ERC2: variants seen among roughly 807,000 people sequenced by gnomAD.
ERC2 encodes ELKS/RAB6-interacting/CAST family member 2.
Under a neutral mutation model 114.8 loss-of-function variants are expected in ERC2, and 42 were observed. The ratio of observed to expected loss-of-function variants is 0.37; its 90% confidence interval spans 0.29 to 0.47. The LOEUF is 0.47. ERC2 is among the 20% of genes least tolerant of loss of function. The pLI is 0.99. For synonymous variants in ERC2, 454 were observed against 425.5 expected, an observed-to-expected ratio of 1.07 and a Z score of -0.82; for missense variants, 939 against 1,150.7, an observed-to-expected ratio of 0.82 and a Z score of 2.66.
chr3:55,942,488 G>A (rs2066874873), intron 13 of ERC2, among the ~76,000 whole-genome samples: 2 of 148,690 alleles, frequency 1.3e-5, no homozygotes, highest in African/African-American at 4.9e-5. Context: ...TAGTAGAGAC[G>A]GGGTTTCACC....
intron 17 of ERC2, among the ~76,000 whole-genome samples, chr3:55,561,681 T>G (rs563729868): frequency 1.7e-3 from 253 of 152,284 alleles, no homozygotes; most frequent in Non-Finnish European, 2.9e-3. Flanking sequence ...TCGCTTTTTT[T>G]CTTGCCCTGT....
chr3:55,809,199 A>T lies in ERC2; in HGVS notation c.2565-74281T>A, dbSNP rs78356419. On this transcript the variant is annotated intron_variant, in intron 14 of 17. Coordinates refer to ENST00000288221, the MANE Select transcript of ERC2 (RefSeq NM_015576.3). ...CTGTACCTTTTAAAATTGATATATA[A>T]TATATGTACAGTGTTTTGGAATACA... Among the ~76,000 whole-genome samples, 745 of 152,326 alleles carry T rather than the reference A, an allele frequency of 4.9e-3. 6 individuals carry two copies. The highest frequency in any genetic ancestry group is 0.017 in the African/African-American group (705 of 41,572).
chr3:55,760,866 C>G, intron 14 of ERC2, among the ~76,000 whole-genome samples: 1 of 152,108 alleles, frequency 6.6e-6, no homozygotes, highest in East Asian at 1.9e-4. Flanking sequence ...TCAGGGGTGC[C>G]TTGATTTGTT....
intron 17 of ERC2, among the ~76,000 whole-genome samples, chr3:55,639,672 G>A (rs1478376966): frequency 6.6e-6 from 1 of 152,112 alleles, no homozygotes; most frequent in Non-Finnish European, 1.5e-5. Context: ...GGCTGATTTC[G>A]ATCCTTATAT....
At chr3:55,940,157 G>C (rs1298536014) in intron 13 of ERC2, among the ~76,000 whole-genome samples, 2 of 151,926 alleles carry the variant, frequency 1.3e-5, no homozygotes, top group Non-Finnish European at 2.9e-5. Flanking sequence ...CTCACTAGTT[G>C]GCCCATGAGC....
chr3:56,414,827 G>A (rs544419349), intron 2 of ERC2, among the ~76,000 whole-genome samples: 76 of 151,972 alleles, frequency 5.0e-4, no homozygotes, highest in Non-Finnish European at 9.3e-4. Flanking sequence ...TTTCACTCAG[G>A]ACTCTGTGAG....
At chr3:55,600,438 T>C (rs986472344) in intron 17 of ERC2, among the ~76,000 whole-genome samples, 3 of 152,148 alleles carry the variant, frequency 2.0e-5, no homozygotes, top group African/African-American at 7.2e-5. Context: ...CCTCAAGAAG[T>C]ACCCACCCAT....
At chr3:56,174,298 G>A (rs2082849834) in intron 3 of ERC2, among the ~76,000 whole-genome samples, 1 of 152,204 alleles carries the variant, frequency 6.6e-6, no homozygotes. Flanking sequence ...CAGTTCTGTT[G>A]AGACTTTGAA....
At chr3:55,574,489 G>A (rs1318499893) in intron 17 of ERC2, among the ~76,000 whole-genome samples, 1 of 152,052 alleles carries the variant, frequency 6.6e-6, no homozygotes, top group Non-Finnish European at 1.5e-5. Context: ...TATGAAAGGG[G>A]TGCCAAGGAA....
intron 17 of ERC2, among the ~76,000 whole-genome samples, chr3:55,648,384 A>C (rs1424767234): frequency 1.3e-5 from 2 of 152,176 alleles, no homozygotes; most frequent in East Asian, 3.9e-4. Context: ...ACATCTTAAC[A>C]GTGCCACATC....
intron 3 of ERC2, among the ~76,000 whole-genome samples, chr3:56,261,279 C>T (rs1224016059): frequency 6.6e-6 from 1 of 152,168 alleles, no homozygotes; most frequent in African/African-American, 2.4e-5. Context: ...CTTAAACACT[C>T]CAGAACATAT....
intron 2 of ERC2, among the ~76,000 whole-genome samples, chr3:56,419,512 A>G (rs1448534401): frequency 6.6e-6 from 1 of 152,258 alleles, no homozygotes; most frequent in East Asian, 1.9e-4. Flanking sequence ...TAGTGAATGC[A>G]GTACAGTCCA....
intron 2 of ERC2, among the ~76,000 whole-genome samples, chr3:56,427,520 CA>C (rs1198593454): frequency 6.6e-6 from 1 of 152,060 alleles, no homozygotes; most frequent in Admixed American, 6.6e-5. Context: ...TCCCTACCCT[CA>C]AAAAAATACC....
At chr3:56,255,206 G>A (rs913443603) in intron 3 of ERC2, among the ~76,000 whole-genome samples, 1 of 152,088 alleles carries the variant, frequency 6.6e-6, no homozygotes, top group African/African-American at 2.4e-5. Flanking sequence ...TGGCCTCTGG[G>A]GCACACTTGT....
chr3:55,928,842 C>T (rs2065904143), intron 13 of ERC2, among the ~76,000 whole-genome samples: 1 of 152,172 alleles, frequency 6.6e-6, no homozygotes, highest in South Asian at 2.1e-4. Flanking sequence ...CCAGTTTTCC[C>T]AGCACCATTT....
intron 17 of ERC2, among the ~76,000 whole-genome samples, chr3:55,673,300 A>G (rs576717307): frequency 1.4e-4 from 22 of 152,320 alleles, no homozygotes; most frequent in African/African-American, 5.0e-4. Context: ...AAAGGGGAGC[A>G]GAGGCCGGGC....
intron 2 of ERC2, among the ~76,000 whole-genome samples, chr3:56,407,332 C>T (rs1390612071): frequency 6.6e-6 from 1 of 152,152 alleles, no homozygotes. Context: ...GGTTTAAGTC[C>T]AAGTCCACTT....
chr3:55,832,932 A>G (rs1251451530), intron 14 of ERC2, among the ~76,000 whole-genome samples: 1 of 152,130 alleles, frequency 6.6e-6, no homozygotes, highest in African/African-American at 2.4e-5. Flanking sequence ...TGGAGCTGAA[A>G]GCCAAGGCTC....
chr3:55,988,228 A>G (rs931759378), intron 11 of ERC2, among the ~76,000 whole-genome samples: 1 of 152,186 alleles, frequency 6.6e-6, no homozygotes, highest in African/African-American at 2.4e-5. Context: ...GTGACATCTG[A>G]CATTGGAGAT....
Sources: allele counts gnomAD v4.1 joint callset (sites outside exome capture counted in the v4.1 genomes callset), GRCh38; gene constraint gnomAD v4.1.1; transcripts MANE v1.5; gene names NCBI Gene and HGNC (gene_info 2026-07-23, HGNC 2026-07-21).